Variants in LNX1 observed in about 807,000 individuals in gnomAD.
LNX1 encodes ligand of numb-protein X 1.
In LNX1, 54 loss-of-function variants were observed where a neutral mutation model predicts 68.4. The observed-to-expected ratio is 0.79, with a 90% CI of 0.63 to 0.99. The LOEUF is 0.99. LNX1 is among the 50% of genes least tolerant of loss of function. LNX1 has a pLI of 0.00. For missense variants in LNX1, 906 were observed against 926.4 expected (o/e 0.98, Z 0.29); for synonymous variants, 336 against 350.0 (o/e 0.96, Z 0.45).
intron 2 of LNX1, among the ~76,000 whole-genome samples, chr4:53,540,266 C>T (rs1428623007): frequency 1.3e-5 from 2 of 152,016 alleles, no homozygotes; most frequent in Admixed American, 6.6e-5. Context: ...ACCTGTAGTC[C>T]CAGCCACTCG....
At chr4:53,472,843 G>A (rs1723326138) in intron 9 of LNX1, among the ~76,000 whole-genome samples, 1 of 152,028 alleles carries the variant, frequency 6.6e-6, no homozygotes, top group Admixed American at 6.6e-5. Context: ...AGAAATGAGT[G>A]TTCCAGAGAG....
At chr4:53,559,512 C>A (rs1303747219) in intron 2 of LNX1, among the ~76,000 whole-genome samples, 1 of 152,160 alleles carries the variant, frequency 6.6e-6, no homozygotes, top group African/African-American at 2.4e-5. Flanking sequence ...TGGTTAACCT[C>A]TCTGAACTTT....
intron 2 of LNX1, among the ~76,000 whole-genome samples, chr4:53,566,679 C>T (rs1244385748): frequency 9.2e-5 from 14 of 152,002 alleles, no homozygotes; most frequent in Non-Finnish European, 1.8e-4. Context: ...GGACTAAATG[C>T]TCCAACTAAA....
intron 2 of LNX1, among the ~76,000 whole-genome samples, chr4:53,510,703 G>A (rs1726266718): frequency 6.6e-6 from 1 of 152,256 alleles, no homozygotes; most frequent in South Asian, 2.1e-4. Flanking sequence ...CAGGCTGGTA[G>A]TATCTGATTA....
chr4:53,643,016 T>C (rs1262480874), intron 1 of LNX1, among the ~76,000 whole-genome samples: 1 of 152,222 alleles, frequency 6.6e-6, no homozygotes, highest in Non-Finnish European at 1.5e-5. Flanking sequence ...TTGTTACAAC[T>C]TGGGGAGTGC....
intron 4 of LNX1, among the ~76,000 whole-genome samples, chr4:53,502,374 G>T (rs1478453130): frequency 6.6e-6 from 1 of 152,114 alleles, no homozygotes. Flanking sequence ...GGTTATAAGA[G>T]TTATGTTTAC....
chr4:53,628,299 T>C (rs751974055), intron 1 of LNX1, among the ~76,000 whole-genome samples: 7 of 151,944 alleles, frequency 4.6e-5, no homozygotes, highest in African/African-American at 7.3e-5. Context: ...ATATTAGCAA[T>C]ACAAAACAAT....
At chr4:53,487,720 G>A (rs1156859442) in intron 6 of LNX1, among the ~76,000 whole-genome samples, 1 of 152,154 alleles carries the variant, frequency 6.6e-6, no homozygotes, top group Non-Finnish European at 1.5e-5. Flanking sequence ...GCTGTAATGC[G>A]ACTGATAACT....
In LNX1 at chr4:53,476,810, T is replaced by G; in HGVS notation, c.1835A>C (p.Asn612Thr). ...GGACCAGTCACTGGGTGGGGCCATG[T>G]TGTGGTTGGAGTCCAGGGCTGCTGG... is the stretch of plus-strand genomic sequence containing the variant. The part of the protein sequence containing the change: ...SSPAALDSNH[N>T]MAPPSDWSPS... The change falls in exon 9 of 11, where the codon AAC becomes ACC. Residue 612 changes from asparagine to threonine, a missense_variant. Transcript: ENST00000263925. 6.2e-7 allele frequency: 1 copy of G among 1,614,168 alleles called. No homozygotes were observed. The highest frequency in any genetic ancestry group is 8.5e-7 in the Non-Finnish European group (1 of 1,180,022).
chr4:53,620,930 C>G (rs1733847439), upstream of LNX1, among the ~76,000 whole-genome samples: 1 of 152,116 alleles, frequency 6.6e-6, no homozygotes. Context: ...ACTTAGAAAG[C>G]CAATATCGGT....
At chr4:53,568,925 G>T (rs1489398512) in intron 2 of LNX1, among the ~76,000 whole-genome samples, 4 of 151,864 alleles carry the variant, frequency 2.6e-5, no homozygotes, top group South Asian at 2.1e-4. Flanking sequence ...GCTTCAAAGA[G>T]AATAAAATAC....
intron 2 of LNX1, among the ~76,000 whole-genome samples, chr4:53,544,898 C>T (rs2109673551): frequency 6.6e-6 from 1 of 152,290 alleles, no homozygotes; most frequent in East Asian, 1.9e-4. Flanking sequence ...ATTGGCAGGG[C>T]CAGGCTCTAA....
chr4:53,489,726 T>C (rs556394246), intron 6 of LNX1, among the ~76,000 whole-genome samples: 18 of 152,246 alleles, frequency 1.2e-4, no homozygotes, highest in African/African-American at 4.3e-4. Context: ...CAAGAATGCA[T>C]AAAATTTGGA....
chr4:53,565,610 C>A (rs1451525249), intron 2 of LNX1, among the ~76,000 whole-genome samples: 1 of 152,196 alleles, frequency 6.6e-6, no homozygotes, highest in Admixed American at 6.5e-5. Flanking sequence ...TCCAAAGGAA[C>A]GCAGCTCCTC....
chr4:53,587,164 T>C (rs906360280), intron 1 of LNX1, among the ~76,000 whole-genome samples: 3 of 152,230 alleles, frequency 2.0e-5, no homozygotes, highest in Non-Finnish European at 2.9e-5. Context: ...CTGAAGTGTG[T>C]ATCTGTGTAA....
At chr4:53,635,767 A>T (rs575872895) in intron 1 of LNX1, among the ~76,000 whole-genome samples, 1 of 152,224 alleles carries the variant, frequency 6.6e-6, no homozygotes, top group Admixed American at 6.5e-5. Context: ...CCAGGTTTTA[A>T]CCTAGTGCTT....
chr4:53,467,283 G>C (rs571210877), intron 9 of LNX1, among the ~76,000 whole-genome samples: 3 of 152,276 alleles, frequency 2.0e-5, no homozygotes, highest in South Asian at 4.1e-4. Context: ...TGAGGGTCCT[G>C]ACTGCTGGAA....
chr4:53,482,193 T>G (rs1346073610), intron 6 of LNX1, among the ~76,000 whole-genome samples: 1 of 152,180 alleles, frequency 6.6e-6, no homozygotes, highest in Admixed American at 6.5e-5. Flanking sequence ...TCTTCCCAGA[T>G]AGAATTAGGT....
rs748609333 is a variant in LNX1, at chr4:53,476,904, T to C, written c.1741A>G (p.Thr581Ala). 1.9e-6 allele frequency: 3 copies of C among 1,614,112 alleles called. No individual in the cohort carries two copies. The highest frequency in any genetic ancestry group is 2.5e-6 in the Non-Finnish European group (3 of 1,180,042). Residue 581 changes from threonine to alanine, a missense_variant, in exon 9 of 11, where the codon ACA becomes GCA. Transcript: ENST00000263925. Reference protein sequence around the residue: ...RSEAVALLKRTSSSIVLKALE... With the variant: ...RSEAVALLKRASSSIVLKALE... Reference sequence around the variant, plus strand: ...GCTTTGAGTACTATCGAGGATGATGTTCTTTTCAATAATGCCACTGCCTCA... The same window carrying C: ...GCTTTGAGTACTATCGAGGATGATGCTCTTTTCAATAATGCCACTGCCTCA...
Sources: allele counts gnomAD v4.1 joint callset (sites outside exome capture counted in the v4.1 genomes callset), GRCh38; gene constraint gnomAD v4.1.1; transcripts MANE v1.5; gene names NCBI Gene and HGNC (gene_info 2026-07-23, HGNC 2026-07-21).